Variants in CACNA1I observed in about 807,000 individuals in gnomAD.
The protein encoded by CACNA1I is voltage-dependent T-type calcium channel subunit alpha-1I.
In CACNA1I, 74 loss-of-function variants were observed where a neutral mutation model predicts 201.6. The observed-to-expected ratio is 0.37, with a 90% confidence interval of 0.30 to 0.45. The LOEUF (loss-of-function observed/expected upper bound fraction) is 0.45. CACNA1I is among the 20% of genes least tolerant of loss of function. CACNA1I has a pLI of 1.00. For missense variants in CACNA1I, 2,346 were observed against 3,138.1 expected, an observed-to-expected ratio of 0.75 and a Z score of 6.03; for synonymous variants, 1,431 against 1,345.2, an observed-to-expected ratio of 1.06 and a Z score of -1.40.
At chr22:39,669,290 T>C (rs778683257) in intron 24 of CACNA1I, among the ~76,000 whole-genome samples, 1 of 152,160 alleles carries the variant, frequency 6.6e-6, no homozygotes, top group Admixed American at 6.5e-5. Flanking sequence ...GTGGCAGTAT[T>C]GTGTGGGAGG....
intron 2 of CACNA1I, among the ~76,000 whole-genome samples, chr22:39,600,119 A>G (rs1932992208): frequency 6.6e-6 from 1 of 152,080 alleles, no homozygotes; most frequent in Non-Finnish European, 1.5e-5. Context: ...TCATCTGTAA[A>G]ATGGGACTAC....
chr22:39,678,165 G>A (rs1935574970), intron 31 of CACNA1I, 57 bp downstream of exon 31: 1 of 1,567,262 alleles, frequency 6.4e-7, no homozygotes, highest in Admixed American at 1.8e-5. Flanking sequence ...CAGTGAGGAT[G>A]CTGGTCCTGC....
At chr22:39,594,253 C>T (rs974113947) in intron 1 of CACNA1I, among the ~76,000 whole-genome samples, 1 of 151,924 alleles carries the variant, frequency 6.6e-6, no homozygotes, top group Non-Finnish European at 1.5e-5. Flanking sequence ...GAGGAGGCAG[C>T]AGGGGCACCG....
intron 1 of CACNA1I, among the ~76,000 whole-genome samples, chr22:39,593,187 C>T (rs1014215254): frequency 6.6e-6 from 1 of 152,110 alleles, no homozygotes; most frequent in South Asian, 2.1e-4. Context: ...TGCTGTGCAG[C>T]GGCCACCAGC....
At chr22:39,574,077 G>T (rs187490374) in intron 1 of CACNA1I, among the ~76,000 whole-genome samples, 1 of 152,152 alleles carries the variant, frequency 6.6e-6, no homozygotes, top group Non-Finnish European at 1.5e-5. Flanking sequence ...GAGATGTGGC[G>T]ACTCAAAAGC....
Position 39,665,655 on chromosome 22 carries a change from G to A in CACNA1I, c.3978+31G>A. The stretch of plus-strand genomic sequence containing the variant: ...GGGTGCCCAGTCTGGGCAGGGACTG[G>A]GCTCTGTGACTGGGGAAAAGGAAGT... On this transcript the variant is annotated intron_variant, in intron 22 of 36. Transcript: ENST00000402142. The surrounding 1 kb of genome is among the most constrained non-coding windows in gnomAD (Gnocchi z 5.5). The A allele has an allele frequency of 6.2e-7, 1 of 1,606,892 alleles. No individual in the cohort carries two copies. The highest frequency in any genetic ancestry group is 8.5e-7 in the Non-Finnish European group (1 of 1,174,580).
In CACNA1I at chr22:39,573,987, A is replaced by G. The variant is rs539275476; in HGVS notation, c.236+2999A>G. On this transcript the variant is annotated intron_variant, in intron 1 of 36. Transcript: ENST00000402142. ...GGGTTCCCCCGGCATCCCCATGGCC[A>G]GGGCTGCTGAGGCTGGACTGGGATA... 5.9e-5 allele frequency among the ~76,000 whole-genome samples: 9 copies of G among 152,250 alleles called. No individual in the cohort carries two copies. The East Asian group carries it at 1.2e-3, about 20-fold the overall frequency.
chr22:39,598,581 C>T (rs1932947894), intron 2 of CACNA1I, among the ~76,000 whole-genome samples: 2 of 152,020 alleles, frequency 1.3e-5, no homozygotes, highest in African/African-American at 2.4e-5. Flanking sequence ...TCTTCTCCTA[C>T]CCGGGTGCCC....
rs1441285209 is a variant in CACNA1I, at chr22:39,689,268, C to T, written c.*2863C>T. On this transcript the variant is annotated 3_prime_UTR_variant, in exon 37 of 37. Transcript: ENST00000402142. ...GGCCAAATCCTCTTCCTCTCCCCTGCTCTACCTTCTCCGGCACCAGGCAGC... is the reference window on the plus strand; with the variant it reads ...GGCCAAATCCTCTTCCTCTCCCCTGTTCTACCTTCTCCGGCACCAGGCAGC... The T allele has an allele frequency of 3.1e-4, 48 of 153,086 alleles. No homozygotes were observed. Among genetic ancestry groups the T allele is most frequent in the Non-Finnish European group, 2.9e-5 (2 of 68,356 alleles). 9.5% of individuals were successfully genotyped at this position (153,086 alleles called of 1,614,324 possible).
Position 39,594,253 on chromosome 22 carries a change from C to G in CACNA1I, c.237-3898C>G, listed in dbSNP as rs974113947. On this transcript the variant is annotated intron_variant, in intron 1 of 36. Coordinates refer to ENST00000402142, the MANE Select transcript of CACNA1I (RefSeq NM_021096.4). ...GCTCAGGGCCTTGTTGAGGAGGCAG[C>G]AGGGGCACCGGGCTCCTGGGAGACG... is the stretch of plus-strand genomic sequence containing the variant. Among the ~76,000 whole-genome samples the G allele has an allele frequency of 6.6e-5, 10 of 152,040 alleles. No individual in the cohort carries two copies. The East Asian group carries it at 1.9e-3, about 29-fold the overall frequency.
Position 39,677,486 on chromosome 22 carries a change from G to T in CACNA1I, c.4933+67G>T, listed in dbSNP as rs759780885. On this transcript the variant is annotated intron_variant, in intron 30 of 36. Coordinates refer to ENST00000402142, the MANE Select transcript of CACNA1I (RefSeq NM_021096.4). The surrounding 1 kb of genome is among the most constrained non-coding windows in gnomAD (Gnocchi z 4.8). ...GGGCTGCAGGAGGAACTGGGGGGGCGGGGGAGGCCTGAGACCCCTGAGCCC... is the reference window on the plus strand; with the variant it reads ...GGGCTGCAGGAGGAACTGGGGGGGCTGGGGAGGCCTGAGACCCCTGAGCCC... 1 of 1,115,042 alleles carries T rather than the reference G, an allele frequency of 9.0e-7. No individual in the cohort carries two copies. The highest frequency in any genetic ancestry group is 1.5e-5 in the South Asian group (1 of 64,860). The allele number at this position is 1,115,042 out of a possible 1,614,324, so 69.1% of individuals were successfully genotyped here.
intron 10 of CACNA1I, among the ~76,000 whole-genome samples, chr22:39,655,051 G>C (rs1373416616): frequency 6.6e-6 from 1 of 152,180 alleles, no homozygotes; most frequent in Admixed American, 6.5e-5. Flanking sequence ...CTAGGGTTGA[G>C]ATCTGACTTC....
At position 39,604,224 on chromosome 22, in the gene CACNA1I, A is replaced by G. The variant is rs375972926; in HGVS notation, c.482+3571A>G. Among the ~76,000 whole-genome samples the G allele has an allele frequency of 6.6e-5, 10 of 152,216 alleles. No homozygotes were observed. The East Asian group carries it at 1.5e-3, about 24-fold the overall frequency. ...TTGAAGCATTCTGTATTGCTTAGCG[A>G]TTCTTTCCTGTCTGCTCATATTTAT... is the stretch of plus-strand genomic sequence containing the variant. On this transcript the variant is annotated intron_variant, in intron 3 of 36. Transcript: ENST00000402142.
chr22:39,654,456 AC>A (rs764331452), intron 10 of CACNA1I, among the ~76,000 whole-genome samples: 1 of 151,320 alleles, frequency 6.6e-6, no homozygotes, highest in Non-Finnish European at 1.5e-5. Context: ...GGTAGGGCTG[AC>A]CCCAGGCCAG....
chr22:39,671,361 G>A (rs543694234), intron 26 of CACNA1I, among the ~76,000 whole-genome samples: 2 of 152,304 alleles, frequency 1.3e-5, no homozygotes, highest in Non-Finnish European at 2.9e-5. Flanking sequence ...GGCTTAGAGA[G>A]GTTAAATATG....
At chr22:39,608,595 T>G (rs1010979364) in intron 3 of CACNA1I, among the ~76,000 whole-genome samples, 3 of 151,898 alleles carry the variant, frequency 2.0e-5, no homozygotes, top group African/African-American at 7.3e-5. Flanking sequence ...TCCCAGCACT[T>G]TGGCAGGCCG....
chr22:39,679,951 GGCTCTGGGCTGTA>G lies in CACNA1I; in HGVS notation c.5541+85_5541+97del, dbSNP rs1935648656. On this transcript the variant is annotated intron_variant, in intron 33 of 36. Coordinates refer to ENST00000402142, the MANE Select transcript of CACNA1I (RefSeq NM_021096.4). ...GGGGGCCTGTCCGAGGGCAGAGCCT[GGCTCTGGGCTGTA>G]GAGACCAGGCTGGGTCAACGTGGGC... The G allele has an allele frequency of 2.8e-6, 4 of 1,410,576 alleles. No homozygotes were observed. In the Admixed American group the frequency reaches 8.0e-5, roughly 28 times the overall value. 87.4% of individuals were successfully genotyped at this position (1,410,576 alleles called of 1,614,324 possible).
intron 7 of CACNA1I, 90 bp from the exon 8 acceptor site, chr22:39,646,479 G>A: frequency 6.8e-7 from 1 of 1,463,186 alleles, no homozygotes; most frequent in Middle Eastern, 2.0e-4. Flanking sequence ...ATGTCTCCCT[G>A]CTGTCCCCAC....
intron 3 of CACNA1I, among the ~76,000 whole-genome samples, chr22:39,604,331 T>C (rs1419353638): frequency 6.6e-6 from 1 of 152,102 alleles, no homozygotes; most frequent in Non-Finnish European, 1.5e-5. Context: ...CAGTTTGACA[T>C]TTTCTCTTGG....
Sources: gnomAD v4.1 joint callset for allele counts (sites outside exome capture counted in the v4.1 genomes callset) on GRCh38, gnomAD v4.1.1 for gene constraint, Gnocchi (gnomAD v3.1) non-coding constraint, MANE v1.5 for transcripts, NCBI Gene and HGNC (gene_info 2026-07-23, HGNC 2026-07-21) for gene names.